Variants in CMIP observed in about 807,000 individuals in gnomAD.
CMIP encodes C-Maf-inducing protein.
In CMIP, 13 loss-of-function variants were observed where a neutral mutation model predicts 97.3. That is an observed-to-expected ratio of 0.13 (90% CI 0.09 to 0.21). CMIP has a LOEUF of 0.21. CMIP is among the 10% of genes least tolerant of loss of function. CMIP has a pLI of 1.00. For synonymous variants in CMIP, 538 were observed against 436.3 expected (o/e 1.23, Z -2.91); for missense variants, 847 against 1,024.9 (o/e 0.83, Z 2.37).
chr16:81,653,302 C>T (rs555787929), intron 4 of CMIP, among the ~76,000 whole-genome samples: 2 of 152,190 alleles, frequency 1.3e-5, no homozygotes, highest in Non-Finnish European at 2.9e-5. Context: ...TGCCTGGAGC[C>T]CTCCCCTTTC....
At chr16:81,605,979 G>A (rs2091737673) in intron 1 of CMIP, among the ~76,000 whole-genome samples, 1 of 152,190 alleles carries the variant, frequency 6.6e-6, no homozygotes, top group East Asian at 1.9e-4. Flanking sequence ...GGGAAATTGA[G>A]GCAGCTTCAG....
At chr16:81,583,133 C>T (rs533420740) in intron 1 of CMIP, among the ~76,000 whole-genome samples, 9 of 152,334 alleles carry the variant, frequency 5.9e-5, no homozygotes, top group African/African-American at 1.7e-4. Context: ...TGACCTTGGC[C>T]GTCTGATCAG....
chr16:81,500,796 C>T (rs1469374289), intron 1 of CMIP, among the ~76,000 whole-genome samples: 1 of 151,884 alleles, frequency 6.6e-6, no homozygotes, highest in Admixed American at 6.6e-5. Context: ...CCCCGGCCCA[C>T]TGTTTCCTTT....
intron 1 of CMIP, among the ~76,000 whole-genome samples, chr16:81,471,990 C>G (rs993866271): frequency 6.6e-6 from 1 of 152,176 alleles, no homozygotes; most frequent in African/African-American, 2.4e-5. Flanking sequence ...GAAAGTGAAA[C>G]CTCAGCTCAG....
At chr16:81,467,911 G>A (rs1312530876) in intron 1 of CMIP, among the ~76,000 whole-genome samples, 1 of 140,958 alleles carries the variant, frequency 7.1e-6, no homozygotes, top group Admixed American at 7.3e-5. Context: ...TTTTGAGGCA[G>A]AGTATTGCTG....
Position 81,465,842 on chromosome 16 carries a change from A to C in CMIP, c.300+20301A>C, listed in dbSNP as rs372345799. On this transcript the variant is annotated intron_variant, in intron 1 of 20. Coordinates refer to ENST00000537098, the MANE Select transcript of CMIP (RefSeq NM_198390.3). ...GTTCCCTCGCTCCAGACCTTCGCTC[A>C]GGGTCTTCTGGGTGTCAGGTGCCCG... Among the ~76,000 whole-genome samples the C allele has an allele frequency of 2.0e-5, 3 of 152,168 alleles. No individual in the cohort carries two copies. In the South Asian group the frequency reaches 6.2e-4, roughly 32 times the overall value.
At chr16:81,651,704 T>TA in intron 3 of CMIP, among the ~76,000 whole-genome samples, 1 of 152,280 alleles carries the variant, frequency 6.6e-6, no homozygotes, top group Non-Finnish European at 1.5e-5. Context: ...TGGCAGAAGA[T>TA]ACGATCTAAA....
chr16:81,552,478 A>T (rs1455259322), intron 1 of CMIP, among the ~76,000 whole-genome samples: 1 of 152,110 alleles, frequency 6.6e-6, no homozygotes, highest in Admixed American at 6.5e-5. Flanking sequence ...TAGGGGACAG[A>T]ATCTCTTCCC....
chr16:81,693,362 AC>A (rs1906328708), intron 12 of CMIP, 76 bp from the exon 13 acceptor site: 1 of 1,559,126 alleles, frequency 6.4e-7, no homozygotes, highest in African/African-American at 1.4e-5. Flanking sequence ...CTTCCTTGAC[AC>A]CATCCCCTCC....
rs528822873 is a variant in CMIP at position 81,465,212 on chromosome 16, T to C, written c.300+19671T>C. Among the ~76,000 whole-genome samples the C allele has an allele frequency of 1.2e-4, 18 of 152,368 alleles. No individual in the cohort carries two copies. The South Asian group carries it at 2.7e-3, about 23-fold the overall frequency. ...CTAGAATGCCGACAGCCAGAGATGA[T>C]AATTAACATTTTTGTAGGGTGTTCA... is the stretch of plus-strand genomic sequence containing the variant. On this transcript the variant is annotated intron_variant, in intron 1 of 20. Transcript: ENST00000537098.
At chr16:81,501,217 C>G (rs1200174073) in intron 1 of CMIP, among the ~76,000 whole-genome samples, 2 of 152,224 alleles carry the variant, frequency 1.3e-5, no homozygotes, top group African/African-American at 4.8e-5. Flanking sequence ...TCAGTCTTGT[C>G]TTGCTAAGGA....
chr16:81,571,291 G>C (rs1222829051), intron 1 of CMIP, among the ~76,000 whole-genome samples: 2 of 152,096 alleles, frequency 1.3e-5, no homozygotes, highest in Non-Finnish European at 2.9e-5. Context: ...GCAACATAGT[G>C]AGACCCTGTC....
rs751963273 is a variant in CMIP, at chr16:81,678,491, G to A, written c.1251G>A (p.Thr417=). The A allele has an allele frequency of 2.5e-5, 40 of 1,597,884 alleles. No homozygotes were observed. In the East Asian group the frequency reaches 3.0e-4, roughly 12 times the overall value. The change falls in exon 10 of 21, where the codon ACG becomes ACA. Residue 417 remains threonine, a synonymous_variant. Transcript: ENST00000537098. ...ERTSTAKPAL[T]ASAGNDSEPN... ...CCAGCACTGCCAAGCCGGCGCTGAC[G>A]GCCAGCGCAGGCAACGACAGCGAGC...
At chr16:81,596,295 C>T (rs1248142509) in intron 1 of CMIP, among the ~76,000 whole-genome samples, 1 of 152,046 alleles carries the variant, frequency 6.6e-6, no homozygotes, top group East Asian at 1.9e-4. Context: ...CACTTGAGGT[C>T]AGGAGTTCAA....
chr16:81,683,656 T>A (rs1905092675), intron 10 of CMIP, among the ~76,000 whole-genome samples: 1 of 149,998 alleles, frequency 6.7e-6, no homozygotes, highest in African/African-American at 2.5e-5. Context: ...TCCCAAAGAT[T>A]ACAGGCATGA....
At chr16:81,578,431 G>A (rs1044065257) in intron 1 of CMIP, among the ~76,000 whole-genome samples, 43 of 152,332 alleles carry the variant, frequency 2.8e-4, no homozygotes, top group African/African-American at 1.0e-3. Flanking sequence ...TGAGTGCTGG[G>A]TCTTGTTACT....
intron 1 of CMIP, among the ~76,000 whole-genome samples, chr16:81,511,175 T>G (rs2089803577): frequency 6.6e-6 from 1 of 152,232 alleles, no homozygotes; most frequent in African/African-American, 2.4e-5. Context: ...ACTGTTTAGA[T>G]GCAAATCCCT....
At chr16:81,461,603 C>T (rs1409545422) in intron 1 of CMIP, among the ~76,000 whole-genome samples, 6 of 152,200 alleles carry the variant, frequency 3.9e-5, no homozygotes, top group Admixed American at 2.0e-4. Flanking sequence ...GGCCCAGAGT[C>T]GTTAAATGAC....
At position 81,655,040 on chromosome 16, in the gene CMIP, C is replaced by A. The variant is rs541724087; in HGVS notation, c.639+2676C>A. Among the ~76,000 whole-genome samples the A allele has an allele frequency of 6.6e-6, 1 of 152,250 alleles. No homozygotes were observed. The highest frequency in any genetic ancestry group is 1.5e-5 in the Non-Finnish European group (1 of 68,032). The stretch of plus-strand genomic sequence containing the variant: ...ATTTCACAGAATTGAAGATGCGATC[C>A]TCTCATATGCATAAAGTGCTTGGCA... On this transcript the variant is annotated intron_variant, in intron 4 of 20. Coordinates refer to ENST00000537098, the MANE Select transcript of CMIP (RefSeq NM_198390.3). This position sits in a 1 kb window ranked among gnomAD's most constrained non-coding sequence, Gnocchi z 4.9.
Sources: allele counts gnomAD v4.1 joint callset (sites outside exome capture counted in the v4.1 genomes callset), GRCh38; gene constraint gnomAD v4.1.1; non-coding constraint Gnocchi (gnomAD v3.1); transcripts MANE v1.5; gene names NCBI Gene and HGNC (gene_info 2026-07-23, HGNC 2026-07-21).